POLR2M: variants seen among roughly 807,000 people sequenced by gnomAD.
POLR2M encodes protein GRINL1A.
In POLR2M, 30 loss-of-function variants were observed where a neutral mutation model predicts 34.6. That is an observed-to-expected ratio of 0.87 (90% CI 0.65 to 1.18). The LOEUF (loss-of-function observed/expected upper bound fraction) is 1.18. Among genes scored for constraint, POLR2M ranks in the 50% most tolerant of loss-of-function variants. POLR2M has a pLI of 0.00. For synonymous variants in POLR2M, 150 were observed against 166.7 expected (o/e 0.90, Z 0.77); for missense variants, 432 against 448.7 (o/e 0.96, Z 0.34).
At chr15:57,713,995 C>A (rs1009836533) in intron 3 of POLR2M, among the ~76,000 whole-genome samples, 2 of 151,530 alleles carry the variant, frequency 1.3e-5, no homozygotes, top group African/African-American at 4.9e-5. Context: ...TCACAGGCAC[C>A]CGCCACCACG....
intron 1 of POLR2M, chr15:57,707,542 CAG>C (rs1166845623): frequency 2.1e-6 from 1 of 466,088 alleles, no homozygotes; most frequent in Non-Finnish European, 4.3e-6. Context: ...AGGATATTTT[CAG>C]AGAGACTTCC....
chr15:57,711,623 TC>T (rs1455143659), intron 2 of POLR2M, among the ~76,000 whole-genome samples: 2 of 152,236 alleles, frequency 1.3e-5, no homozygotes, highest in Non-Finnish European at 2.9e-5. Context: ...TTCCTTATGT[TC>T]CAATGTATCT....
In POLR2M at chr15:57,716,618, TTG is replaced by T. The variant is rs1257511443; in HGVS notation, c.*1943_*1944del. On this transcript the variant is annotated 3_prime_UTR_variant, in exon 4 of 4. Coordinates refer to ENST00000299638, the MANE Select transcript of POLR2M (RefSeq NM_015532.5). The stretch of plus-strand genomic sequence containing the variant: ...ATTTGTTTTTCTTACTTAGTGAAGG[TTG>T]TGTTTTTTTTCATATTCATTGGCCA... 3 of 152,404 alleles carry T rather than the reference TTG, an allele frequency of 2.0e-5. No homozygotes were observed. The highest frequency in any genetic ancestry group is 7.2e-5 in the African/African-American group (3 of 41,602). 9.4% of individuals were successfully genotyped at this position (152,404 alleles called of 1,614,324 possible).
intron 1 of POLR2M, among the ~76,000 whole-genome samples, 199 bp from the exon 2 acceptor site, chr15:57,708,515 C>G (rs543962263): frequency 1.3e-5 from 2 of 152,260 alleles, no homozygotes; most frequent in Admixed American, 6.5e-5. Flanking sequence ...CCTATTCTTC[C>G]TGCATTCCCT....
rs140157465 is a variant in POLR2M at position 57,715,120 on chromosome 15, C to A, written c.*441C>A. On this transcript the variant is annotated 3_prime_UTR_variant, in exon 4 of 4. Transcript: ENST00000299638. ...CTTCTTTTTTGGGTAATGAAGGGAGCAGTCTAAAGAATTGTATGCATGTTT... is the reference window on the plus strand; with the variant it reads ...CTTCTTTTTTGGGTAATGAAGGGAGAAGTCTAAAGAATTGTATGCATGTTT... 6.0e-6 allele frequency: 1 copy of A among 167,068 alleles called. No individual in the cohort carries two copies. Among genetic ancestry groups the A allele is most frequent in the Non-Finnish European group, 1.3e-5 (1 of 78,572 alleles). The allele number at this position is 167,068 out of a possible 1,614,324, so 10.3% of individuals were successfully genotyped here.
rs1274209511 is a variant in POLR2M, at chr15:57,709,310, T to C, written c.710T>C (p.Met237Thr). The change falls in exon 2 of 4, where the codon ATG (methionine) becomes ACG (threonine). Residue 237 changes from methionine to threonine, a missense_variant. Physicochemically the swap from Met to Thr is moderately conservative, Grantham distance 81 (BLOSUM62 -1). Transcript: ENST00000299638. ...CCTCATTACATGGAAGTGCTAGAAA[T>C]GCGAGCCAAAAACCCAGTGCCCCAG... ...KKPHYMEVLE[M>T]RAKNPVPQLR... 3.1e-6 allele frequency: 5 copies of C among 1,613,870 alleles called. No homozygotes were observed. Among genetic ancestry groups the C allele is most frequent in the South Asian group, 2.2e-5 (2 of 91,066 alleles).
At chr15:57,709,675 T>C (rs906603111) in intron 2 of POLR2M, among the ~76,000 whole-genome samples, 7 of 152,238 alleles carry the variant, frequency 4.6e-5, no homozygotes, top group Admixed American at 3.9e-4. Flanking sequence ...GAAAAATATT[T>C]AGTTTTGAAA....
chr15:57,709,852 A>G (rs2040640909), intron 2 of POLR2M, among the ~76,000 whole-genome samples: 1 of 151,982 alleles, frequency 6.6e-6, no homozygotes, highest in East Asian at 1.9e-4. Context: ...ATCAAAGTGT[A>G]CTCTCTTTGA....
At position 57,706,800 on chromosome 15, in the gene POLR2M, G is replaced by T. The variant is rs1427531075; in HGVS notation, c.-43G>T. On this transcript the variant is annotated 5_prime_UTR_variant, in exon 1 of 4. It introduces an in-frame stop codon into an upstream open reading frame of the 5' UTR. Coordinates refer to ENST00000299638, the MANE Select transcript of POLR2M (RefSeq NM_015532.5). ...GGCGCTAGTAGCGGGGCCTGCCGAG[G>T]AAGCCGAGTGCCCGCCGCCGCGCCA... is the stretch of plus-strand genomic sequence containing the variant. 6.5e-7 allele frequency: 1 copy of T among 1,539,668 alleles called. No homozygotes were observed. The highest frequency in any genetic ancestry group is 8.8e-7 in the Non-Finnish European group (1 of 1,138,558).
rs371113800 is a variant in POLR2M at position 57,714,582 on chromosome 15, A to G, written c.1010A>G (p.Asn337Ser). 1 of 1,613,868 alleles carries G rather than the reference A, an allele frequency of 6.2e-7. No homozygotes were observed. Among genetic ancestry groups the G allele is most frequent in the Non-Finnish European group, 8.5e-7 (1 of 1,179,870 alleles). Reference protein sequence around the residue: ...LAAQKLAERLNIKMRSYNPEG... With the variant: ...LAAQKLAERLSIKMRSYNPEG... ...GCGCAAAAATTAGCTGAAAGACTGA[A>G]TATTAAAATGCGGAGTTATAATCCA... The change falls in exon 4 of 4, where the codon AAT (asparagine) becomes AGT (serine). Residue 337 changes from asparagine to serine, a missense_variant. Coordinates refer to ENST00000299638, the MANE Select transcript of POLR2M (RefSeq NM_015532.5).
chr15:57,714,708 G>A lies in POLR2M; in HGVS notation c.*29G>A, dbSNP rs1230438910. ...TAATCTCCTAAATCACTGACGTTGA[G>A]ATGTCATCATCTTACATCAGACTTT... is the stretch of plus-strand genomic sequence containing the variant. On this transcript the variant is annotated 3_prime_UTR_variant, in exon 4 of 4. Coordinates refer to ENST00000299638, the MANE Select transcript of POLR2M (RefSeq NM_015532.5). 1 of 1,604,126 alleles carries A rather than the reference G, an allele frequency of 6.2e-7. No homozygotes were observed. The highest frequency in any genetic ancestry group is 1.7e-5 in the Admixed American group (1 of 58,498).
intron 1 of POLR2M, among the ~76,000 whole-genome samples, chr15:57,708,156 T>A (rs1333022115): frequency 6.6e-6 from 1 of 152,246 alleles, no homozygotes; most frequent in Non-Finnish European, 1.5e-5. Flanking sequence ...TTTTATGTGT[T>A]GTATCTAGCG....
chr15:57,714,584 A>G lies in POLR2M; in HGVS notation c.1012A>G (p.Ile338Val), dbSNP rs374303069. The change falls in exon 4 of 4, where the codon ATT becomes GTT. Residue 338 changes from isoleucine to valine, a missense_variant. Physicochemically the swap from Ile to Val is conservative, Grantham distance 29 (BLOSUM62 3). Transcript: ENST00000299638. ...AAQKLAERLNIKMRSYNPEGE... is the reference protein window; with the variant it reads ...AAQKLAERLNVKMRSYNPEGE... ...GCAAAAATTAGCTGAAAGACTGAAT[A>G]TTAAAATGCGGAGTTATAATCCAGA... 1.9e-6 allele frequency: 3 copies of G among 1,613,858 alleles called. No individual in the cohort carries two copies. The highest frequency in any genetic ancestry group is 1.1e-5 in the South Asian group (1 of 91,060).
chr15:57,708,628 T>G, intron 1 of POLR2M, 86 bp from the exon 2 acceptor site: 1 of 1,258,360 alleles, frequency 7.9e-7, no homozygotes, highest in East Asian at 2.5e-5. Context: ...TTTTCTTTCT[T>G]TGAAGATAAT....
intron 1 of POLR2M, chr15:57,707,176 G>T (rs1326269830): frequency 1.3e-6 from 2 of 1,488,122 alleles, no homozygotes. Context: ...CGGATTGAAC[G>T]GCTACCTGGC....
In POLR2M at chr15:57,710,304, T is replaced by A. The variant is rs115701925; in HGVS notation, c.758+946T>A. Among the ~76,000 whole-genome samples, 946 of 152,364 alleles carry A rather than the reference T, an allele frequency of 6.2e-3. 11 individuals carry two copies. Among genetic ancestry groups the A allele is most frequent in the African/African-American group, 0.021 (884 of 41,580 alleles). ...GTAAAATCTTTTTGAAAATAATTGC[T>A]ATTTACTTGCAGCAAATGTAACATT... On this transcript the variant is annotated intron_variant, in intron 2 of 3. Transcript: ENST00000299638.
intron 1 of POLR2M, chr15:57,707,705 G>C (rs956655660): frequency 2.8e-6 from 1 of 362,168 alleles, no homozygotes; most frequent in African/African-American, 2.1e-5. Context: ...GAGAGGAATA[G>C]ATCCAAGGTT....
intron 1 of POLR2M, chr15:57,707,249 A>C: frequency 8.5e-7 from 1 of 1,182,726 alleles, no homozygotes; most frequent in Non-Finnish European, 1.2e-6. Context: ...TGGTTCCATG[A>C]GTCTGCTTTC....
rs1424077972 is a variant in POLR2M, at chr15:57,717,237, T to C, written c.*2558T>C. On this transcript the variant is annotated 3_prime_UTR_variant, in exon 4 of 4. Coordinates refer to ENST00000299638, the MANE Select transcript of POLR2M (RefSeq NM_015532.5). ...CAATAATTATCGCTTTAATTGGTGT[T>C]AATATTTGGTAGTACACAGGTTCTC... The C allele has an allele frequency of 1.3e-5, 2 of 152,218 alleles. No homozygotes were observed. Among genetic ancestry groups the C allele is most frequent in the Non-Finnish European group, 2.9e-5 (2 of 68,040 alleles). 9.4% of individuals were successfully genotyped at this position (152,218 alleles called of 1,614,324 possible). A position where few individuals can be genotyped will look rare whatever the true frequency, so the allele number is the denominator to read the frequency against.
Sources: allele counts gnomAD v4.1 joint callset (sites outside exome capture counted in the v4.1 genomes callset), GRCh38; gene constraint gnomAD v4.1.1; transcripts MANE v1.5; gene names NCBI Gene and HGNC (gene_info 2026-07-23, HGNC 2026-07-21).